The following KCNH1 variants were observed in gnomAD, a reference collection of about 807,000 sequenced individuals.
The protein encoded by KCNH1 is voltage-gated delayed rectifier potassium channel KCNH1.
A neutral mutation model predicts 69.2 loss-of-function variants in KCNH1; 27 were observed. The ratio of observed to expected loss-of-function variants is 0.39; its 90% confidence interval spans 0.29 to 0.54. KCNH1 has a LOEUF of 0.54. Among genes scored for constraint, KCNH1 ranks in the 20% least tolerant of loss-of-function variants. KCNH1 has a pLI of 0.68. For synonymous variants in KCNH1, 456 were observed against 487.7 expected, an observed-to-expected ratio of 0.93 and a Z score of 0.86; for missense variants, 798 against 1,261.6, an observed-to-expected ratio of 0.63 and a Z score of 5.57.
At chr1:210,876,981 C>T (rs529369181) in intron 7 of KCNH1, among the ~76,000 whole-genome samples, 34 of 151,798 alleles carry the variant, frequency 2.2e-4, no homozygotes, top group East Asian at 7.8e-4. Context: ...TTAACCTTAC[C>T]GCTCAGCCTC....
chr1:210,906,745 C>A (rs1361639270), intron 7 of KCNH1, among the ~76,000 whole-genome samples: 1 of 152,130 alleles, frequency 6.6e-6, no homozygotes, highest in Non-Finnish European at 1.5e-5. Flanking sequence ...TTCAGAAGCT[C>A]CCCCTGCAAG....
At chr1:211,014,853 C>T (rs564370698) in intron 6 of KCNH1, among the ~76,000 whole-genome samples, 2 of 152,246 alleles carry the variant, frequency 1.3e-5, no homozygotes, top group African/African-American at 2.4e-5. Flanking sequence ...ATCTTAGATT[C>T]GTAACTCCAC....
At chr1:211,057,415 C>T (rs573825793) in intron 5 of KCNH1, among the ~76,000 whole-genome samples, 40 of 152,240 alleles carry the variant, frequency 2.6e-4, no homozygotes, top group African/African-American at 8.2e-4. Flanking sequence ...GCAGGCAGAT[C>T]GCTTGAGCCC....
chr1:210,757,531 T>C (rs1034174207), intron 10 of KCNH1, among the ~76,000 whole-genome samples: 3 of 152,190 alleles, frequency 2.0e-5, no homozygotes, highest in Non-Finnish European at 4.4e-5. Flanking sequence ...TCTAAGCCAC[T>C]CCCTGACTCT....
chr1:210,883,785 G>A (rs552781577), intron 7 of KCNH1, among the ~76,000 whole-genome samples: 2 of 152,210 alleles, frequency 1.3e-5, no homozygotes, highest in African/African-American at 4.8e-5. Flanking sequence ...CAAGCTTGGT[G>A]GAGGTTGAAC....
At chr1:211,098,329 AAAAAAAAG>A (rs1331706779) in intron 3 of KCNH1, among the ~76,000 whole-genome samples, 2 of 151,612 alleles carry the variant, frequency 1.3e-5, no homozygotes, top group Admixed American at 6.6e-5. Flanking sequence ...TTGAAAAAAA[AAAAAAAAG>A]AAAGAAAAGA....
At chr1:210,777,192 T>C (rs924671808) in intron 9 of KCNH1, among the ~76,000 whole-genome samples, 2 of 152,224 alleles carry the variant, frequency 1.3e-5, no homozygotes, top group Non-Finnish European at 2.9e-5. Context: ...TCCAAGTACA[T>C]GGATAGAACT....
intron 6 of KCNH1, among the ~76,000 whole-genome samples, chr1:210,951,592 G>T (rs984371589): frequency 2.0e-5 from 3 of 152,162 alleles, no homozygotes; most frequent in Admixed American, 2.0e-4. Context: ...GGTTCCAGGG[G>T]TTAACGGGAT....
At chr1:211,095,452 A>T (rs1466738617) in intron 3 of KCNH1, among the ~76,000 whole-genome samples, 2 of 152,148 alleles carry the variant, frequency 1.3e-5, no homozygotes, top group Non-Finnish European at 2.9e-5. Context: ...TCTGATTTTC[A>T]TCCCTTATGT....
chr1:210,822,694 C>G (rs1684953961), intron 7 of KCNH1, among the ~76,000 whole-genome samples: 1 of 152,054 alleles, frequency 6.6e-6, no homozygotes, highest in South Asian at 2.1e-4. Context: ...ACCCAATGTT[C>G]ATATGTTGTT....
At chr1:210,857,337 T>C (rs560343820) in intron 7 of KCNH1, among the ~76,000 whole-genome samples, 2 of 152,276 alleles carry the variant, frequency 1.3e-5, no homozygotes, top group Admixed American at 6.5e-5. Context: ...AATCACATCA[T>C]GAGTCATGGG....
chr1:210,910,963 A>G (rs915700378), intron 7 of KCNH1, among the ~76,000 whole-genome samples: 1 of 152,212 alleles, frequency 6.6e-6, no homozygotes. Context: ...AGCTTATTCC[A>G]TGAACACTTA....
intron 7 of KCNH1, among the ~76,000 whole-genome samples, chr1:210,869,541 C>T (rs564452098): frequency 7.0e-6 from 1 of 142,150 alleles, no homozygotes; most frequent in Admixed American, 7.2e-5. Context: ...TTAGGCATGC[C>T]TGGTAATTTT....
intron 7 of KCNH1, among the ~76,000 whole-genome samples, chr1:210,880,404 G>T (rs1686470172): frequency 1.3e-5 from 2 of 152,122 alleles, no homozygotes; most frequent in Non-Finnish European, 2.9e-5. Flanking sequence ...ATAAATCCAT[G>T]CAACAGAATA....
At chr1:211,078,917 CAAAAA>C (rs769981174) in intron 5 of KCNH1, among the ~76,000 whole-genome samples, 5 of 83,058 alleles carry the variant, frequency 6.0e-5, no homozygotes, top group Non-Finnish European at 1.1e-4. Flanking sequence ...GACTCCGTCT[CAAAAA>C]AAAAAAAAAA....
chr1:210,883,297 T>A (rs1292548757), intron 7 of KCNH1, among the ~76,000 whole-genome samples: 3 of 152,202 alleles, frequency 2.0e-5, no homozygotes, highest in Non-Finnish European at 4.4e-5. Flanking sequence ...AGCTCTTCTT[T>A]CCTGGCTAAC....
chr1:210,960,382 A>G (rs1253118237), intron 6 of KCNH1, among the ~76,000 whole-genome samples: 1 of 152,158 alleles, frequency 6.6e-6, no homozygotes, highest in Non-Finnish European at 1.5e-5. Context: ...CATGACCACA[A>G]AATGTTCCCC....
chr1:211,016,965 G>A (rs945332553), intron 6 of KCNH1, among the ~76,000 whole-genome samples: 7 of 149,192 alleles, frequency 4.7e-5, no homozygotes, highest in South Asian at 2.1e-4. Flanking sequence ...GAACCCCAAC[G>A]TTCATATTAG....
intron 7 of KCNH1, among the ~76,000 whole-genome samples, chr1:210,905,937 C>A (rs1687093497): frequency 6.6e-6 from 1 of 152,162 alleles, no homozygotes; most frequent in South Asian, 2.1e-4. Context: ...TTCATTCTTC[C>A]TAAATCAAAT....
Sources: allele counts gnomAD v4.1 joint callset (sites outside exome capture counted in the v4.1 genomes callset), GRCh38; gene constraint gnomAD v4.1.1; transcripts MANE v1.5; gene names NCBI Gene and HGNC (gene_info 2026-07-23, HGNC 2026-07-21).